Variants in DIAPH2 observed in about 807,000 individuals in gnomAD.
DIAPH2 encodes the protein protein diaphanous homolog 2.
DIAPH2 carries 35 observed loss-of-function variants against 92.7 expected under a neutral mutation model. That is an observed-to-expected ratio of 0.38 (90% CI 0.29 to 0.50). DIAPH2 has a LOEUF of 0.50. Ranked by LOEUF, DIAPH2 falls within the 20% of genes least tolerant of loss-of-function variation. DIAPH2 has a pLI of 0.94. For missense variants in DIAPH2, 701 were observed against 819.5 expected (o/e 0.86, Z 1.77); for synonymous variants, 301 against 280.4 (o/e 1.07, Z -0.73).
chrX:96,902,609 T>C (rs1228848118), intron 5 of DIAPH2, among the ~76,000 whole-genome samples: 1 of 111,493 alleles, frequency 9.0e-6, no homozygotes, highest in African/African-American at 3.3e-5. Flanking sequence ...TTTCACAGTG[T>C]ATGCATGTGT....
chrX:97,236,613 C>T (rs1357739462), intron 22 of DIAPH2, among the ~76,000 whole-genome samples: 1 of 101,114 alleles, frequency 9.9e-6, no homozygotes, highest in Non-Finnish European at 2.0e-5. Context: ...GGCACAATCT[C>T]GGCTCCCTGC....
chrX:96,765,005 C>G (rs2064292812), intron 4 of DIAPH2, among the ~76,000 whole-genome samples: 1 of 110,642 alleles, frequency 9.0e-6, no homozygotes, highest in South Asian at 3.8e-4. Flanking sequence ...ATTTAACACC[C>G]CTGTGATTGC....
At chrX:97,176,060 G>T (rs923022140) in intron 22 of DIAPH2, among the ~76,000 whole-genome samples, 2 of 111,887 alleles carry the variant, frequency 1.8e-5, no homozygotes, top group Admixed American at 1.9e-4. Context: ...AATTGCCTGT[G>T]CTCCAAGACT....
chrX:97,451,590 A>C (rs1312945996), intron 26 of DIAPH2, among the ~76,000 whole-genome samples: 1 of 111,850 alleles, frequency 8.9e-6, no homozygotes. Flanking sequence ...GGTTTCATTT[A>C]TTTCTATTAT....
intron 26 of DIAPH2, among the ~76,000 whole-genome samples, chrX:97,520,180 A>G (rs1461983890): frequency 8.9e-6 from 1 of 112,462 alleles, no homozygotes; most frequent in South Asian, 3.7e-4. Context: ...TTTCTTCTTC[A>G]TCTTTTCCAA....
At chrX:97,334,998 C>CAAAAAAAAAAAAAAAAAAAAAAAA (rs746536131) in intron 23 of DIAPH2, among the ~76,000 whole-genome samples, 6 of 31,461 alleles carry the variant, frequency 1.9e-4, no homozygotes, top group South Asian at 5.5e-3. Context: ...AAAAACAAAA[C>CAAAAAAAAAAAAAAAAAAAAAAAA]AAAAAAAAAA....
intron 24 of DIAPH2, among the ~76,000 whole-genome samples, chrX:97,365,017 C>T (rs939794952): frequency 8.1e-5 from 9 of 110,925 alleles, no homozygotes; most frequent in African/African-American, 2.9e-4. Context: ...TCCTTTTCAA[C>T]TTTCTCCCAT....
chrX:96,893,495 G>A (rs1196200564), intron 5 of DIAPH2, among the ~76,000 whole-genome samples: 1 of 111,490 alleles, frequency 9.0e-6, no homozygotes, highest in Non-Finnish European at 1.9e-5. Flanking sequence ...TTTATTTTGT[G>A]GTTCTTTAAA....
At chrX:97,019,674 A>T (rs953028913) in intron 17 of DIAPH2, among the ~76,000 whole-genome samples, 1 of 111,572 alleles carries the variant, frequency 9.0e-6, no homozygotes. Context: ...TATTTAAGAC[A>T]TACTTCTCTA....
In DIAPH2 at chrX:96,817,004, T is replaced by C. The variant is rs999742393; in HGVS notation, c.447+58746T>C. Reference sequence around the variant, plus strand: ...GACAAACTTCCCATGTTCTCACTTATTTGTGGGAGCTAAAAAATCAAAGCA... The same window carrying C: ...GACAAACTTCCCATGTTCTCACTTACTTGTGGGAGCTAAAAAATCAAAGCA... On this transcript the variant is annotated intron_variant, in intron 4 of 26. Transcript: ENST00000324765. Among the ~76,000 whole-genome samples the C allele has an allele frequency of 1.1e-4, 12 of 111,432 alleles. No individual in the cohort carries two copies. The Admixed American group carries it at 1.1e-3, about 11-fold the overall frequency.
At chrX:97,554,527 C>T (rs1569423165) in intron 26 of DIAPH2, among the ~76,000 whole-genome samples, 1 of 111,710 alleles carries the variant, frequency 9.0e-6, no homozygotes, top group African/African-American at 3.2e-5. Flanking sequence ...CTGAAATGAA[C>T]CCATAATCCA....
At chrX:97,201,385 T>C (rs1163750666) in intron 22 of DIAPH2, among the ~76,000 whole-genome samples, 2 of 96,441 alleles carry the variant, frequency 2.1e-5, no homozygotes, top group Non-Finnish European at 4.3e-5. Context: ...TAAAGGATCA[T>C]GTTCTAACCC....
chrX:97,482,924 G>A (rs1446630582), intron 26 of DIAPH2, among the ~76,000 whole-genome samples: 2 of 111,407 alleles, frequency 1.8e-5, no homozygotes, highest in Admixed American at 9.6e-5. Flanking sequence ...ATGCTCTGGG[G>A]TGGGGGGAGT....
chrX:96,826,141 G>A (rs2064814149), intron 4 of DIAPH2, among the ~76,000 whole-genome samples: 1 of 111,260 alleles, frequency 9.0e-6, no homozygotes, highest in Admixed American at 9.6e-5. Flanking sequence ...TTTTGGCCGG[G>A]TGTGGTGGCT....
intron 23 of DIAPH2, among the ~76,000 whole-genome samples, chrX:97,301,579 A>G (rs1057141011): frequency 5.4e-5 from 6 of 111,872 alleles, no homozygotes; most frequent in Admixed American, 9.5e-5. Flanking sequence ...AGGGCACTTT[A>G]AAGTTTTTGT....
At chrX:96,842,943 A>T (rs182000404) in intron 4 of DIAPH2, among the ~76,000 whole-genome samples, 190 of 111,949 alleles carry the variant, frequency 1.7e-3, no homozygotes, top group Non-Finnish European at 2.8e-3. Context: ...TAATGTTTCC[A>T]TTCACCTGTG....
At chrX:97,489,924 G>T (rs1194069162) in intron 26 of DIAPH2, among the ~76,000 whole-genome samples, 1 of 111,681 alleles carries the variant, frequency 9.0e-6, no homozygotes, top group African/African-American at 3.2e-5. Flanking sequence ...CTTTGTATTA[G>T]GGTAATACTG....
At chrX:97,500,791 T>TATATAC (rs1556157623) in intron 26 of DIAPH2, among the ~76,000 whole-genome samples, 14 of 95,521 alleles carry the variant, frequency 1.5e-4, no homozygotes, top group African/African-American at 5.3e-4. Flanking sequence ...TATATATATA[T>TATATAC]ATATATATAT....
chrX:97,580,689 G>C (rs1195967671), intron 26 of DIAPH2, among the ~76,000 whole-genome samples: 3 of 104,836 alleles, frequency 2.9e-5, no homozygotes, highest in South Asian at 4.6e-4. Context: ...CTCATAAAAT[G>C]AGTTAGGGAG....
Sources: gnomAD v4.1 joint callset for allele counts (sites outside exome capture counted in the v4.1 genomes callset) on GRCh38, gnomAD v4.1.1 for gene constraint, MANE v1.5 for transcripts, NCBI Gene and HGNC (gene_info 2026-07-23, HGNC 2026-07-21) for gene names.